Variants in SKAP2 observed in about 807,000 individuals in gnomAD.
SKAP2 encodes the protein src kinase-associated phosphoprotein 2.
Under a neutral mutation model 54.9 loss-of-function variants are expected in SKAP2, and 28 were observed. The observed-to-expected ratio is 0.51, with a 90% CI of 0.38 to 0.70. The LOEUF is 0.70. SKAP2 is among the 30% of genes least tolerant of loss of function. The pLI is 0.00. For synonymous variants in SKAP2, 137 were observed against 134.3 expected (o/e 1.02, Z -0.14); for missense variants, 356 against 424.1 (o/e 0.84, Z 1.41).
At chr7:26,777,737 G>C (rs2127977214) in intron 4 of SKAP2, among the ~76,000 whole-genome samples, 1 of 152,196 alleles carries the variant, frequency 6.6e-6, no homozygotes, top group South Asian at 2.1e-4. Flanking sequence ...CAAAAGTCCA[G>C]AGTGTTCTGT....
intron 4 of SKAP2, among the ~76,000 whole-genome samples, chr7:26,836,888 G>A (rs1229801159): frequency 2.6e-5 from 4 of 152,114 alleles, no homozygotes; most frequent in South Asian, 2.1e-4. Context: ...ACATGAACAC[G>A]TATGTTTATC....
At chr7:26,829,374 A>T (rs1400714483) in intron 4 of SKAP2, among the ~76,000 whole-genome samples, 1 of 152,106 alleles carries the variant, frequency 6.6e-6, no homozygotes, top group Non-Finnish European at 1.5e-5. Flanking sequence ...TCTCTACAAA[A>T]AAATTAAATT....
chr7:26,861,469 A>T lies in SKAP2; in HGVS notation c.67+2894T>A, dbSNP rs79200222. Among the ~76,000 whole-genome samples the T allele has an allele frequency of 5.5e-3, 843 of 152,232 alleles. 25 individuals are homozygous for T. In the East Asian group the frequency reaches 0.074, roughly 13 times the overall value. ...AAATTCTGTAAGTCCTTTTCTGTTC[A>T]TATAACCAAAAGAATAATCAACATT... On this transcript the variant is annotated intron_variant, in intron 1 of 12. Coordinates refer to ENST00000345317, the MANE Select transcript of SKAP2 (RefSeq NM_003930.5).
chr7:26,755,682 G>C (rs749138667), intron 4 of SKAP2, among the ~76,000 whole-genome samples: 4 of 152,136 alleles, frequency 2.6e-5, no homozygotes, highest in Admixed American at 2.6e-4. Context: ...GCCTAGATTA[G>C]TGCCTGGGAC....
At chr7:26,836,905 C>T (rs1403914495) in intron 4 of SKAP2, among the ~76,000 whole-genome samples, 1 of 152,170 alleles carries the variant, frequency 6.6e-6, no homozygotes, top group East Asian at 1.9e-4. Context: ...TATCACAGCA[C>T]TGTTCACAAT....
chr7:26,770,841 A>C (rs2127974793), intron 4 of SKAP2, among the ~76,000 whole-genome samples: 1 of 152,286 alleles, frequency 6.6e-6, no homozygotes, highest in African/African-American at 2.4e-5. Flanking sequence ...GAAATGCAGT[A>C]ATCACCTGCC....
rs1787720612 is a variant in SKAP2, at chr7:26,726,888, T to C, written c.588A>G (p.Ile196Met). 5.0e-6 allele frequency: 8 copies of C among 1,606,398 alleles called. No individual in the cohort carries two copies. Among genetic ancestry groups the C allele is most frequent in the Non-Finnish European group, 6.8e-6 (8 of 1,176,708 alleles). ...GCAACATAAAAACTACAACCTGATA[T>C]ATACGTTTATCAGGAGCAGAGATTT... Reference protein sequence around the residue: ...CFEISAPDKRIYQFTAASPKD... With the variant: ...CFEISAPDKRMYQFTAASPKD... The change falls in exon 7 of 13, where the codon ATA becomes ATG. Residue 196 changes from isoleucine (I) to methionine (M), a missense_variant. Physicochemically the swap from Ile to Met is conservative, Grantham distance 10. Transcript: ENST00000345317.
At chr7:26,782,089 G>A (rs1783437152) in intron 4 of SKAP2, among the ~76,000 whole-genome samples, 2 of 152,202 alleles carry the variant, frequency 1.3e-5, no homozygotes, top group Non-Finnish European at 2.9e-5. Flanking sequence ...ACAGGGGCAG[G>A]ATTGATGGAT....
At chr7:26,854,593 G>C (rs1785120589) in intron 2 of SKAP2, among the ~76,000 whole-genome samples, 192 bp downstream of exon 2, 1 of 151,890 alleles carries the variant, frequency 6.6e-6, no homozygotes, top group Non-Finnish European at 1.5e-5. Context: ...ATCAAGAAGG[G>C]TACTATGATA....
chr7:26,730,410 CT>C (rs1787798619), intron 6 of SKAP2, among the ~76,000 whole-genome samples: 2 of 152,044 alleles, frequency 1.3e-5, no homozygotes, highest in Admixed American at 6.6e-5. Context: ...AAGCTTATTC[CT>C]TTAAGTGCCA....
chr7:26,739,113 G>A (rs11764558), intron 5 of SKAP2, among the ~76,000 whole-genome samples: 69,988 of 151,966 alleles, frequency 0.46, 17,031 homozygotes, highest in East Asian at 0.58. Flanking sequence ...AAAGTTTTCT[G>A]ACAGGGACAG....
chr7:26,834,810 A>G (rs1257175600), intron 4 of SKAP2, among the ~76,000 whole-genome samples: 10 of 152,224 alleles, frequency 6.6e-5, no homozygotes, highest in Admixed American at 6.5e-4. Flanking sequence ...ATTCCAAACA[A>G]CAGAAAAAGA....
At chr7:26,846,359 G>GA (rs1441087368) in intron 3 of SKAP2, among the ~76,000 whole-genome samples, 7 of 151,902 alleles carry the variant, frequency 4.6e-5, no homozygotes, top group Non-Finnish European at 5.9e-5. Flanking sequence ...GAAGTAAACA[G>GA]AAAAAATTAA....
intron 4 of SKAP2, among the ~76,000 whole-genome samples, chr7:26,802,865 C>G (rs539341791): frequency 4.6e-5 from 7 of 151,934 alleles, no homozygotes; most frequent in Non-Finnish European, 7.4e-5. Flanking sequence ...GAGCAAGACT[C>G]TGTCTCAATA....
chr7:26,861,137 GC>G (rs928523555), intron 1 of SKAP2, among the ~76,000 whole-genome samples: 1 of 151,896 alleles, frequency 6.6e-6, no homozygotes, highest in Non-Finnish European at 1.5e-5. Flanking sequence ...CTGATTGCAA[GC>G]CACTAACAAA....
At chr7:26,729,859 G>T (rs889361554) in intron 6 of SKAP2, among the ~76,000 whole-genome samples, 5 of 152,058 alleles carry the variant, frequency 3.3e-5, no homozygotes, top group African/African-American at 1.2e-4. Context: ...TTCCATCAAA[G>T]AAAGACCTAA....
rs182307835 is a variant in SKAP2 at position 26,814,097 on chromosome 7, T to C, written c.307+29933A>G. Among the ~76,000 whole-genome samples the C allele has an allele frequency of 9.0e-3, 1,369 of 152,148 alleles. 21 individuals are homozygous for C. The highest frequency in any genetic ancestry group is 0.031 in the African/African-American group (1,306 of 41,518). On this transcript the variant is annotated intron_variant, in intron 4 of 12. Coordinates refer to ENST00000345317, the MANE Select transcript of SKAP2 (RefSeq NM_003930.5). The stretch of plus-strand genomic sequence containing the variant: ...TACTCTATAAATATAAAACTAATCA[T>C]GATTTACTAATTAAAAATATTTATA...
intron 4 of SKAP2, among the ~76,000 whole-genome samples, chr7:26,774,294 C>G (rs1316508286): frequency 6.6e-6 from 1 of 152,038 alleles, no homozygotes; most frequent in Non-Finnish European, 1.5e-5. Context: ...GCCTGGGTGA[C>G]AGAGTGAGAC....
At chr7:26,767,256 G>A (rs4722636) in intron 4 of SKAP2, among the ~76,000 whole-genome samples, 150,696 of 152,252 alleles carry the variant, frequency 0.99, 74,602 homozygotes, top group East Asian at 1. Context: ...TTATTTGCAA[G>A]GAGGTGTTTA....
Sources: gnomAD v4.1 joint callset for allele counts (sites outside exome capture counted in the v4.1 genomes callset) on GRCh38, gnomAD v4.1.1 for gene constraint, MANE v1.5 for transcripts, NCBI Gene and HGNC (gene_info 2026-07-23, HGNC 2026-07-21) for gene names.